The following SLC35F3 variants were observed in gnomAD, a reference collection of about 807,000 sequenced individuals.
SLC35F3 encodes the protein putative thiamine transporter SLC35F3.
In SLC35F3, 25 loss-of-function variants were observed where a neutral mutation model predicts 49.9. The ratio of observed to expected loss-of-function variants is 0.50; its 90% CI spans 0.37 to 0.70. The LOEUF is 0.70. Among genes scored for constraint, SLC35F3 ranks in the 30% least tolerant of loss-of-function variants. The pLI, the probability that SLC35F3 is intolerant of heterozygous loss-of-function variation, is 0.00. For synonymous variants in SLC35F3, 275 were observed against 265.4 expected, an observed-to-expected ratio of 1.04 and a Z score of -0.35; for missense variants, 525 against 639.8, an observed-to-expected ratio of 0.82 and a Z score of 1.94.
At chr1:234,185,188 G>A (rs1467608689) in intron 2 of SLC35F3, among the ~76,000 whole-genome samples, 2 of 152,162 alleles carry the variant, frequency 1.3e-5, no homozygotes, top group African/African-American at 4.8e-5. Flanking sequence ...GCATTCTGGG[G>A]TGGGGGTGTA....
At chr1:234,127,037 A>C (rs982774429) in intron 2 of SLC35F3, among the ~76,000 whole-genome samples, 3 of 152,152 alleles carry the variant, frequency 2.0e-5, no homozygotes, top group African/African-American at 7.2e-5. Flanking sequence ...TATAAGTAAA[A>C]TCCTACAACA....
intron 2 of SLC35F3, among the ~76,000 whole-genome samples, chr1:233,933,910 T>C (rs540309003): frequency 7.6e-4 from 115 of 152,242 alleles, no homozygotes; most frequent in African/African-American, 2.6e-3. Context: ...CCAGGAAGGA[T>C]GTTGCAGAGG....
chr1:234,316,725 A>C lies in SLC35F3; in HGVS notation c.952A>C (p.Lys318Gln). ...VASASMSALYKVLFKLLLGSA... is the reference protein window; with the variant it reads ...VASASMSALYQVLFKLLLGSA... ...CTCAGCATCGATGTCTGCCCTCTACAAGGTACGCCCGGGGAGTGAACTTTC... is the reference window on the plus strand; with the variant it reads ...CTCAGCATCGATGTCTGCCCTCTACCAGGTACGCCCGGGGAGTGAACTTTC... The change falls in exon 5 of 8, where the codon AAG becomes CAG. Residue 318 changes from lysine (K) to glutamine (Q), a missense_variant and splice_region_variant. By Grantham distance (53) the Lys-to-Gln change is moderately conservative. This residue lies in a region of SLC35F3 where 216 missense variants were observed against 298.1 expected (regional missense o/e 0.72). Coordinates refer to ENST00000366618, the MANE Select transcript of SLC35F3 (RefSeq NM_173508.4). 1.2e-6 allele frequency: 2 copies of C among 1,605,138 alleles called. No homozygotes were observed. The highest frequency in any genetic ancestry group is 1.7e-6 in the Non-Finnish European group (2 of 1,172,624).
chr1:234,322,966 C>T (rs531989000), intron 7 of SLC35F3, 42 bp from the exon 8 acceptor site: 2 of 1,578,622 alleles, frequency 1.3e-6, no homozygotes, highest in South Asian at 1.1e-5. Context: ...GACATGCCCC[C>T]AACCCTGCAG....
At chr1:234,186,010 TAGAC>T (rs1428041738) in intron 2 of SLC35F3, among the ~76,000 whole-genome samples, 1 of 152,174 alleles carries the variant, frequency 6.6e-6, no homozygotes, top group Non-Finnish European at 1.5e-5. Flanking sequence ...GAGTGCCGCG[TAGAC>T]AGTTTGTCTG....
chr1:234,277,250 T>C (rs1241573635), intron 3 of SLC35F3, among the ~76,000 whole-genome samples: 2 of 152,076 alleles, frequency 1.3e-5, no homozygotes, highest in African/African-American at 4.8e-5. Context: ...CCTGTCCCTG[T>C]GGATGAAGGT....
At chr1:234,226,551 T>TAAA (rs10547189) in intron 2 of SLC35F3, among the ~76,000 whole-genome samples, 1 of 143,292 alleles carries the variant, frequency 7.0e-6, no homozygotes, top group African/African-American at 2.5e-5. Flanking sequence ...TACATTAAGT[T>TAAA]AAAAAAAAAA....
chr1:233,952,884 C>G (rs935519248), intron 2 of SLC35F3, among the ~76,000 whole-genome samples: 1 of 152,086 alleles, frequency 6.6e-6, no homozygotes, highest in Non-Finnish European at 1.5e-5. Context: ...CCTCCCCGCC[C>G]CACAATTCTC....
intron 2 of SLC35F3, among the ~76,000 whole-genome samples, chr1:234,127,059 AG>A (rs1273634803): frequency 6.6e-6 from 1 of 152,244 alleles, no homozygotes; most frequent in Non-Finnish European, 1.5e-5. Flanking sequence ...GCAACTTTCT[AG>A]GCTTGGCTTT....
intron 2 of SLC35F3, among the ~76,000 whole-genome samples, chr1:234,037,587 TA>T (rs1000656948): frequency 6.6e-6 from 1 of 152,114 alleles, no homozygotes; most frequent in African/African-American, 2.4e-5. Context: ...TCCAAACAAC[TA>T]AATAAGTGGA....
chr1:234,066,872 ACAC>A (rs1664630030), intron 2 of SLC35F3, among the ~76,000 whole-genome samples: 2 of 134,896 alleles, frequency 1.5e-5, no homozygotes, highest in African/African-American at 2.7e-5. Flanking sequence ...ACACACACAC[ACAC>A]AATTATATTA....
At chr1:234,288,548 G>A (rs980961672) in intron 3 of SLC35F3, among the ~76,000 whole-genome samples, 4 of 152,166 alleles carry the variant, frequency 2.6e-5, no homozygotes, top group Non-Finnish European at 1.5e-5. Context: ...AAGCCTCAAA[G>A]GATTTCCCAT....
In SLC35F3 at chr1:234,058,390, G is replaced by C. The variant is rs1397139986; in HGVS notation, c.283+152632G>C. Among the ~76,000 whole-genome samples the C allele has an allele frequency of 1.6e-4, 22 of 134,364 alleles. No individual in the cohort carries two copies. The Admixed American group carries it at 1.7e-3, about 11-fold the overall frequency. The allele number at this position is 134,364 out of a possible 152,430, so 88.1% of individuals were successfully genotyped here. A position where few individuals can be genotyped will look rare whatever the true frequency, so the allele number is the denominator to read the frequency against. On this transcript the variant is annotated intron_variant, in intron 2 of 7. Transcript: ENST00000366618. ...AACAGGGTCTCACCCTGTTGCCCAGGCTGGAGTGCAGTGACATGAGCATGA... is the reference window on the plus strand; with the variant it reads ...AACAGGGTCTCACCCTGTTGCCCAGCCTGGAGTGCAGTGACATGAGCATGA...
intron 3 of SLC35F3, among the ~76,000 whole-genome samples, chr1:234,268,321 G>A (rs11585167): frequency 0.17 from 24,625 of 145,826 alleles, 2,384 homozygotes; most frequent in Admixed American, 0.2. Context: ...CAGGCGTGGC[G>A]GCGCGCGCCT....
At chr1:233,962,075 C>A (rs12095343) in intron 2 of SLC35F3, among the ~76,000 whole-genome samples, 17 of 152,136 alleles carry the variant, frequency 1.1e-4, no homozygotes, top group African/African-American at 4.1e-4. Context: ...ATTGTAGCAA[C>A]TTGATTAAAT....
intron 2 of SLC35F3, among the ~76,000 whole-genome samples, chr1:233,997,957 G>A (rs1031125234): frequency 1.3e-5 from 2 of 151,956 alleles, no homozygotes; most frequent in African/African-American, 4.8e-5. Flanking sequence ...TCACCATGTT[G>A]GTCAGGCTGG....
chr1:234,310,517 C>A (rs1349488577), intron 4 of SLC35F3, among the ~76,000 whole-genome samples: 1 of 152,206 alleles, frequency 6.6e-6, no homozygotes, highest in Non-Finnish European at 1.5e-5. Context: ...ACCAGAAAAG[C>A]TTTCAGCAAA....
chr1:234,122,017 G>A (rs1665585054), intron 2 of SLC35F3, among the ~76,000 whole-genome samples: 1 of 152,178 alleles, frequency 6.6e-6, no homozygotes, highest in Non-Finnish European at 1.5e-5. Context: ...GAATAGTGCT[G>A]CAATAAATAT....
At chr1:234,312,903 A>G (rs1657394887) in intron 4 of SLC35F3, among the ~76,000 whole-genome samples, 1 of 151,834 alleles carries the variant, frequency 6.6e-6, no homozygotes, top group Non-Finnish European at 1.5e-5. Context: ...CAGAGACAGG[A>G]TCTCACTATG....
Sources: allele counts gnomAD v4.1 joint callset (sites outside exome capture counted in the v4.1 genomes callset), GRCh38; gene constraint gnomAD v4.1.1; regional missense constraint gnomAD v4.1.1; transcripts MANE v1.5; gene names NCBI Gene and HGNC (gene_info 2026-07-23, HGNC 2026-07-21).